PDE3B: variants seen among roughly 807,000 people sequenced by gnomAD.
PDE3B encodes phosphodiesterase 3B, also known as cGMP-inhibited 3',5'-cyclic phosphodiesterase 3B.
Under a neutral mutation model 116.8 loss-of-function variants are expected in PDE3B, and 66 were observed. That is an observed-to-expected ratio of 0.56 (90% confidence interval 0.46 to 0.69). The LOEUF (loss-of-function observed/expected upper bound fraction) is 0.69, where lower values mean the gene tolerates loss of function less well. Among genes scored for constraint, PDE3B ranks in the 30% least tolerant of loss-of-function variants. The probability of loss-of-function intolerance (pLI) is 0.00; values close to 1 mark genes in which losing one functional copy is unlikely to be tolerated. For synonymous variants in PDE3B, 595 were observed against 533.6 expected (o/e 1.12, Z -1.59); for missense variants, 1,384 against 1,368.1 (o/e 1.01, Z -0.18).
intron 1 of PDE3B, among the ~76,000 whole-genome samples, chr11:14,771,367 T>A (rs1187672630): frequency 6.6e-6 from 1 of 151,650 alleles, no homozygotes; most frequent in African/African-American, 2.4e-5. Context: ...AAAAAACTAG[T>A]CTGGGACTAA....
chr11:14,880,151 A>AATATTC, the PDE3B span: 1 of 1,612,764 alleles, frequency 6.2e-7, no homozygotes, highest in Non-Finnish European at 8.5e-7. Flanking sequence ...ATATTAGGAT[A>AATATTC]AAGGGCCATG....
chr11:14,696,548 C>T (rs748473057), intron 1 of PDE3B, among the ~76,000 whole-genome samples: 2 of 151,992 alleles, frequency 1.3e-5, no homozygotes, highest in Non-Finnish European at 2.9e-5. Flanking sequence ...TGATGATGCG[C>T]GAGTGCTTCT....
At chr11:14,883,996 A>G in the PDE3B span, among the ~76,000 whole-genome samples, 1 of 152,080 alleles carries the variant, frequency 6.6e-6, no homozygotes, top group East Asian at 2.0e-4. Context: ...ATCTCACACC[A>G]GTTAGAATGG....
chr11:14,832,030 T>C (rs1180621631), intron 9 of PDE3B, among the ~76,000 whole-genome samples: 5 of 152,172 alleles, frequency 3.3e-5, no homozygotes, highest in Admixed American at 3.3e-4. Context: ...TAATAAAGAT[T>C]TACATTTTCT....
At position 14,670,244 on chromosome 11, in the gene PDE3B, C is replaced by G. The variant is rs113025142; in HGVS notation, c.978+25191C>G. Among the ~76,000 whole-genome samples the G allele has an allele frequency of 4.5e-3, 684 of 152,210 alleles. 3 individuals are homozygous for G. Among genetic ancestry groups the G allele is most frequent in the African/African-American group, 0.015 (609 of 41,524 alleles). On this transcript the variant is annotated intron_variant, in intron 1 of 15. Coordinates refer to ENST00000282096, the MANE Select transcript of PDE3B (RefSeq NM_000922.4). ...TGACCTTAGGCAAGTTATCTAATAC[C>G]GGCTCAGTTTTCTCATTTTCAAAAT...
chr11:14,789,635 C>T (rs139705914), intron 4 of PDE3B, among the ~76,000 whole-genome samples: 113 of 152,114 alleles, frequency 7.4e-4, no homozygotes, highest in African/African-American at 2.6e-3. Context: ...AAGAGGAGCA[C>T]GTTTCCAAGG....
intron 1 of PDE3B, among the ~76,000 whole-genome samples, chr11:14,707,501 C>T (rs1012139281): frequency 2.6e-5 from 4 of 151,826 alleles, no homozygotes; most frequent in East Asian, 1.9e-4. Flanking sequence ...TTGGTATTAA[C>T]GGTGTGGCTT....
At chr11:14,754,331 CATTATT>C (rs896565734) in intron 1 of PDE3B, among the ~76,000 whole-genome samples, 16 of 152,094 alleles carry the variant, frequency 1.1e-4, no homozygotes, top group Admixed American at 3.3e-4. Context: ...CAAGAGAACT[CATTATT>C]ATTAATATCA....
In PDE3B at chr11:14,644,456, T is replaced by C; in HGVS notation, c.381T>C (p.Cys127=). 6.2e-7 allele frequency: 1 copy of C among 1,613,204 alleles called. No homozygotes were observed. Among genetic ancestry groups the C allele is most frequent in the South Asian group, 1.1e-5 (1 of 91,028 alleles). The change falls in exon 1 of 16, where the codon TGT becomes TGC. Residue 127 remains cysteine, a synonymous_variant. Transcript: ENST00000282096. ...TGAGCCCCCTCTTCAGCATCGCCTG[T>C]GCCTTCTTCTTCCTCACCTGCTTCC... is the stretch of plus-strand genomic sequence containing the variant. ...HSLSPLFSIA[C]AFFFLTCFLT... is the part of the protein sequence containing the mutation.
At chr11:14,857,432 T>C (rs1847871913) in intron 12 of PDE3B, among the ~76,000 whole-genome samples, 1 of 152,228 alleles carries the variant, frequency 6.6e-6, no homozygotes, top group Non-Finnish European at 1.5e-5. Flanking sequence ...ACTTACTGCT[T>C]CATGATTCTT....
chr11:14,827,511 A>G (rs1480499663), intron 7 of PDE3B, among the ~76,000 whole-genome samples: 1 of 152,186 alleles, frequency 6.6e-6, no homozygotes, highest in African/African-American at 2.4e-5. Context: ...TAGCATTCCT[A>G]TACACTAACA....
chr11:14,858,695 G>C (rs893415935), intron 12 of PDE3B, among the ~76,000 whole-genome samples: 2 of 152,144 alleles, frequency 1.3e-5, no homozygotes, highest in African/African-American at 2.4e-5. Context: ...ATTCACAGAA[G>C]TTTATCTGAG....
chr11:14,707,573 A>G (rs1855570500), intron 1 of PDE3B, among the ~76,000 whole-genome samples: 1 of 152,062 alleles, frequency 6.6e-6, no homozygotes, highest in Admixed American at 6.6e-5. Context: ...ATAATAAAAT[A>G]AATAATCATT....
intron 1 of PDE3B, among the ~76,000 whole-genome samples, chr11:14,653,391 G>C (rs1853619405): frequency 6.6e-6 from 1 of 152,150 alleles, no homozygotes; most frequent in African/African-American, 2.4e-5. Flanking sequence ...CACAAATCAG[G>C]CAAGGTAATA....
At chr11:14,804,112 A>C in intron 5 of PDE3B, 62 bp downstream of exon 5, 1 of 816,326 alleles carries the variant, frequency 1.2e-6, no homozygotes. Context: ...TAGTGTAAAC[A>C]CTTTTCATCA....
intron 5 of PDE3B, among the ~76,000 whole-genome samples, chr11:14,810,250 C>T (rs1481951066): frequency 6.6e-6 from 1 of 151,832 alleles, no homozygotes; most frequent in Non-Finnish European, 1.5e-5. Context: ...ATGTGCCATG[C>T]TGGTGCGCTG....
chr11:14,658,616 A>G (rs559016428), intron 1 of PDE3B, among the ~76,000 whole-genome samples: 1 of 152,278 alleles, frequency 6.6e-6, no homozygotes, highest in East Asian at 1.9e-4. Context: ...CGGCCTCCCA[A>G]AGTGCTGAGA....
At chr11:14,681,177 T>C (rs1854692985) in intron 1 of PDE3B, among the ~76,000 whole-genome samples, 1 of 152,200 alleles carries the variant, frequency 6.6e-6, no homozygotes, top group Non-Finnish European at 1.5e-5. Flanking sequence ...AAGCACACTT[T>C]CAAATTGTGA....
At chr11:14,885,459 G>T in the PDE3B span, among the ~76,000 whole-genome samples, 2 of 152,216 alleles carry the variant, frequency 1.3e-5, no homozygotes, top group East Asian at 3.9e-4. Context: ...GGTTCAAAAG[G>T]GCACTTCGGA....
Sources: allele counts gnomAD v4.1 joint callset (sites outside exome capture counted in the v4.1 genomes callset), GRCh38; gene constraint gnomAD v4.1.1; transcripts MANE v1.5; gene names NCBI Gene and HGNC (gene_info 2026-07-23, HGNC 2026-07-21).